Variants in PTPRN2 observed in about 807,000 individuals in gnomAD.
PTPRN2 encodes the protein protein tyrosine phosphatase receptor type N2.
PTPRN2 carries 74 observed loss-of-function variants against 118.8 expected under a neutral mutation model. That is an observed-to-expected ratio of 0.62 (90% CI 0.52 to 0.76). The LOEUF is 0.76. PTPRN2 is among the 30% of genes least tolerant of loss of function. The probability of loss-of-function intolerance (pLI) is 0.00; values close to 1 mark genes in which losing one functional copy is unlikely to be tolerated. For missense variants in PTPRN2, 1,481 were observed against 1,394.4 expected, an observed-to-expected ratio of 1.06 and a Z score of -0.99; for synonymous variants, 641 against 608.0, an observed-to-expected ratio of 1.05 and a Z score of -0.80.
intron 11 of PTPRN2, among the ~76,000 whole-genome samples, chr7:157,958,277 TC>T (rs1187484831): frequency 6.6e-6 from 1 of 151,978 alleles, no homozygotes; most frequent in Non-Finnish European, 1.5e-5. Context: ...ATATGAAAAA[TC>T]TGCAGCTAAT....
chr7:158,516,336 T>G (rs1823558869), intron 1 of PTPRN2, among the ~76,000 whole-genome samples: 1 of 152,114 alleles, frequency 6.6e-6, no homozygotes, highest in Non-Finnish European at 1.5e-5. Context: ...AATTTAAATT[T>G]TAAAAAATAA....
intron 10 of PTPRN2, among the ~76,000 whole-genome samples, chr7:158,105,600 T>A (rs907990496): frequency 1.3e-5 from 2 of 150,638 alleles, no homozygotes; most frequent in African/African-American, 4.9e-5. Flanking sequence ...TATCCATCCC[T>A]ACTCCATCCC....
intron 2 of PTPRN2, among the ~76,000 whole-genome samples, chr7:158,463,398 C>T (rs747373312): frequency 7.2e-5 from 11 of 152,116 alleles, no homozygotes; most frequent in South Asian, 2.1e-4. Context: ...ATTACCATCA[C>T]GACCATCATT....
At chr7:157,851,937 G>A (rs1393824996) in intron 12 of PTPRN2, among the ~76,000 whole-genome samples, 2 of 152,040 alleles carry the variant, frequency 1.3e-5, no homozygotes, top group African/African-American at 4.8e-5. Flanking sequence ...ACCTCGCTGC[G>A]GGCAACACCC....
At chr7:158,171,318 T>TACATATATATATACATAC (rs1318559722) in intron 5 of PTPRN2, among the ~76,000 whole-genome samples, 6 of 93,832 alleles carry the variant, frequency 6.4e-5, no homozygotes, top group African/African-American at 2.8e-4. Flanking sequence ...CATATATATA[T>TACATATATATATACATAC]ATATATATAT....
chr7:157,810,217 C>T (rs192153574), intron 12 of PTPRN2, among the ~76,000 whole-genome samples: 15 of 152,358 alleles, frequency 9.8e-5, no homozygotes, highest in Admixed American at 2.6e-4. Flanking sequence ...GCAAAGGCTG[C>T]GGACAGTGAG....
chr7:158,352,433 G>C (rs1808075241), intron 2 of PTPRN2, among the ~76,000 whole-genome samples: 1 of 152,216 alleles, frequency 6.6e-6, no homozygotes, highest in African/African-American at 2.4e-5. Context: ...CCAAGGATCA[G>C]CTTCGATAGG....
At chr7:157,612,225 C>T (rs976411492) in intron 15 of PTPRN2, among the ~76,000 whole-genome samples, 22 of 152,180 alleles carry the variant, frequency 1.4e-4, no homozygotes, top group Non-Finnish European at 2.5e-4. Flanking sequence ...AGACACACAG[C>T]GAGGCGTGGC....
chr7:158,513,377 T>C lies in PTPRN2; in HGVS notation c.113-23592A>G, dbSNP rs149968747. ...CCCCAGGAGACACGACCACGAAATG[T>C]ATGGTAGAATCCTGGATGAGATCCT... On this transcript the variant is annotated intron_variant, in intron 1 of 22. Coordinates refer to ENST00000389418, the MANE Select transcript of PTPRN2 (RefSeq NM_002847.5). 1.3e-3 allele frequency among the ~76,000 whole-genome samples: 196 copies of C among 152,294 alleles called. 2 individuals are homozygous for C. The highest frequency in any genetic ancestry group is 4.6e-3 in the African/African-American group (190 of 41,554).
intron 1 of PTPRN2, among the ~76,000 whole-genome samples, chr7:158,507,565 C>T (rs767751850): frequency 5.1e-5 from 7 of 137,172 alleles, no homozygotes; most frequent in Admixed American, 7.5e-5. Context: ...GGGACAGCCC[C>T]GTGCTAGGCA....
intron 21 of PTPRN2, among the ~76,000 whole-genome samples, chr7:157,558,970 A>C (rs1233572086): frequency 2.0e-5 from 3 of 152,266 alleles, no homozygotes; most frequent in African/African-American, 7.2e-5. Flanking sequence ...TGACCTCGGA[A>C]ACAGGAGAAA....
At chr7:158,469,161 G>T (rs1224118469) in intron 2 of PTPRN2, among the ~76,000 whole-genome samples, 2 of 152,152 alleles carry the variant, frequency 1.3e-5, no homozygotes, top group Admixed American at 1.3e-4. Context: ...ACTGTTTTTG[G>T]CTGTGCACAG....
At position 158,306,861 on chromosome 7, in the gene PTPRN2, T is replaced by G. The variant is rs1022319370; in HGVS notation, c.277+9958A>C. On this transcript the variant is annotated intron_variant, in intron 3 of 22. Transcript: ENST00000389418. The stretch of plus-strand genomic sequence containing the variant: ...TTTAAATGAGCTGTTTTTTGTTTTT[T>G]TTTTTTTTTTTTTTTTTTTTTTTTA... Among the ~76,000 whole-genome samples, 560 of 139,518 alleles carry G rather than the reference T, an allele frequency of 4.0e-3. 7 individuals are homozygous for G. Among genetic ancestry groups the G allele is most frequent in the African/African-American group, 0.015 (491 of 33,692 alleles). 91.5% of individuals were successfully genotyped at this position (139,518 alleles called of 152,430 possible).
intron 9 of PTPRN2, among the ~76,000 whole-genome samples, chr7:158,131,338 TGC>T (rs1309731842): frequency 1.0e-4 from 8 of 80,032 alleles, no homozygotes; most frequent in African/African-American, 4.1e-4. Flanking sequence ...CTCATACACA[TGC>T]ACATTTGCAC....
chr7:157,927,001 GCC>G (rs1799034538), intron 11 of PTPRN2, among the ~76,000 whole-genome samples: 1 of 136,282 alleles, frequency 7.3e-6, no homozygotes, highest in Non-Finnish European at 1.6e-5. Flanking sequence ...GAGAGCAGAG[GCC>G]TCGCGTCTTC....
chr7:157,605,795 G>A (rs1208015285), intron 15 of PTPRN2, among the ~76,000 whole-genome samples: 1 of 152,230 alleles, frequency 6.6e-6, no homozygotes, highest in Non-Finnish European at 1.5e-5. Flanking sequence ...ATGGGCCTCA[G>A]AGGGGAGGAA....
intron 10 of PTPRN2, among the ~76,000 whole-genome samples, chr7:158,098,701 C>T (rs990671328): frequency 6.6e-6 from 1 of 152,286 alleles, no homozygotes; most frequent in Admixed American, 6.5e-5. Context: ...GTTGCTTGGG[C>T]TCGGGGACTG....
At chr7:158,160,595 C>T (rs999273262) in intron 6 of PTPRN2, among the ~76,000 whole-genome samples, 2 of 152,194 alleles carry the variant, frequency 1.3e-5, no homozygotes, top group African/African-American at 4.8e-5. Context: ...CTCAGCTCTT[C>T]GACTGTTTAT....
intron 12 of PTPRN2, among the ~76,000 whole-genome samples, chr7:157,846,119 G>A (rs10266567): frequency 0.01 from 1,545 of 152,174 alleles, 28 homozygotes; most frequent in African/African-American, 0.036. Context: ...CGAGATTCAC[G>A]GCACCTCTGT....
Sources: gnomAD v4.1 joint callset for allele counts (sites outside exome capture counted in the v4.1 genomes callset) on GRCh38, gnomAD v4.1.1 for gene constraint, MANE v1.5 for transcripts, NCBI Gene and HGNC (gene_info 2026-07-23, HGNC 2026-07-21) for gene names.